The following FAM53B variants were observed in gnomAD, a reference collection of about 807,000 sequenced individuals.
FAM53B encodes the protein protein FAM53B.
In FAM53B, 12 loss-of-function variants were observed where a neutral mutation model predicts 32.7. The ratio of observed to expected loss-of-function variants is 0.37; its 90% confidence interval spans 0.24 to 0.59. The LOEUF is 0.59. Among genes scored for constraint, FAM53B ranks in the 20% least tolerant of loss-of-function variants. The pLI is 0.72. For missense variants in FAM53B, 477 were observed against 577.7 expected (o/e 0.83, Z 1.79); for synonymous variants, 234 against 228.7 (o/e 1.02, Z -0.21).
chr10:124,628,117 C>T (rs561742122), intron 4 of FAM53B, among the ~76,000 whole-genome samples: 15 of 152,276 alleles, frequency 9.9e-5, no homozygotes, highest in Admixed American at 2.6e-4. Flanking sequence ...GTAATAGAGA[C>T]GCTAGAAACA....
intron 1 of FAM53B, among the ~76,000 whole-genome samples, chr10:124,735,044 C>T (rs1443778133): frequency 6.6e-6 from 1 of 152,206 alleles, no homozygotes; most frequent in Non-Finnish European, 1.5e-5. Context: ...GCAGGCCGAG[C>T]TGGGGGCAGG....
At chr10:124,642,314 C>A (rs1452371796) in intron 4 of FAM53B, among the ~76,000 whole-genome samples, 2 of 152,182 alleles carry the variant, frequency 1.3e-5, no homozygotes, top group Non-Finnish European at 2.9e-5. Context: ...GAGCGCCATG[C>A]GTGTGAACAC....
intron 2 of FAM53B, among the ~76,000 whole-genome samples, chr10:124,706,188 G>A (rs562555796): frequency 6.6e-6 from 1 of 152,274 alleles, no homozygotes; most frequent in African/African-American, 2.4e-5. Flanking sequence ...TGTTGCCATA[G>A]CTCACCACAC....
chr10:124,649,660 C>G (rs377076633), intron 4 of FAM53B, among the ~76,000 whole-genome samples: 1 of 152,220 alleles, frequency 6.6e-6, no homozygotes, highest in African/African-American at 2.4e-5. Context: ...CAGAGTGTCC[C>G]CCTGTAAGAT....
chr10:124,719,297 T>A (rs1950054718), intron 1 of FAM53B, among the ~76,000 whole-genome samples: 1 of 152,108 alleles, frequency 6.6e-6, no homozygotes. Flanking sequence ...CACTTCCTTC[T>A]AAGCACTCTG....
chr10:124,729,262 G>C (rs1439528178), intron 1 of FAM53B, among the ~76,000 whole-genome samples: 1 of 152,226 alleles, frequency 6.6e-6, no homozygotes, highest in African/African-American at 2.4e-5. Context: ...GCTGAAGAAG[G>C]AAGACACAGG....
intron 4 of FAM53B, among the ~76,000 whole-genome samples, chr10:124,666,763 C>CCCCGGGCCT (rs1291159548): frequency 6.6e-6 from 1 of 152,228 alleles, no homozygotes; most frequent in African/African-American, 2.4e-5. Flanking sequence ...ACAGTGAACT[C>CCCCGGGCCT]CCCGGGCCTC....
intron 3 of FAM53B, among the ~76,000 whole-genome samples, chr10:124,689,389 G>A (rs1949820675): frequency 6.6e-6 from 1 of 152,228 alleles, no homozygotes; most frequent in African/African-American, 2.4e-5. Context: ...TGACCAGAAG[G>A]AGACTCAGTT....
intron 4 of FAM53B, chr10:124,671,301 G>A: frequency 2.4e-6 from 1 of 422,968 alleles, no homozygotes; most frequent in Admixed American, 2.4e-5. Context: ...CCAGCCCTGT[G>A]CGGCCAATGG....
chr10:124,644,718 C>T (rs375690482), intron 4 of FAM53B, among the ~76,000 whole-genome samples: 1 of 152,112 alleles, frequency 6.6e-6, no homozygotes, highest in South Asian at 2.1e-4. Context: ...GGGTAGGGAA[C>T]CCGAGAGTGC....
intron 3 of FAM53B, among the ~76,000 whole-genome samples, chr10:124,683,581 C>G (rs1231069818): frequency 3.3e-5 from 5 of 152,194 alleles, no homozygotes; most frequent in African/African-American, 4.8e-5. Flanking sequence ...ATGTACCATC[C>G]TGGACCAGAT....
At chr10:124,731,290 C>G (rs1417161625) in intron 1 of FAM53B, among the ~76,000 whole-genome samples, 1 of 152,238 alleles carries the variant, frequency 6.6e-6, no homozygotes, top group Admixed American at 6.5e-5. Flanking sequence ...CCTGTTTATT[C>G]CTCCTGCTCT....
intron 4 of FAM53B, among the ~76,000 whole-genome samples, chr10:124,666,168 A>G (rs1949670949): frequency 6.6e-6 from 1 of 152,212 alleles, no homozygotes; most frequent in African/African-American, 2.4e-5. Context: ...GATAAGCTAG[A>G]TGCCCTGACA....
intron 3 of FAM53B, among the ~76,000 whole-genome samples, chr10:124,692,904 T>C (rs971310043): frequency 9.9e-5 from 15 of 152,172 alleles, no homozygotes; most frequent in East Asian, 5.8e-4. Context: ...TTTGTGAAAC[T>C]TGAACTCATA....
intron 1 of FAM53B, among the ~76,000 whole-genome samples, chr10:124,737,128 C>G (rs770342671): frequency 6.6e-6 from 1 of 152,210 alleles, no homozygotes; most frequent in Non-Finnish European, 1.5e-5. Flanking sequence ...GTGCCCGGCT[C>G]CACACTGGAC....
rs571656150 is a variant in FAM53B, at chr10:124,646,508, C to T, written c.907-22904G>A. ...CAAGGCCCTCCCATTGCTGTGCCGGCGCCTTCTGTTTCCTCCCTGGTCTTT... is the reference window on the plus strand; with the variant it reads ...CAAGGCCCTCCCATTGCTGTGCCGGTGCCTTCTGTTTCCTCCCTGGTCTTT... On this transcript the variant is annotated intron_variant, in intron 4 of 4. Transcript: ENST00000337318. Among the ~76,000 whole-genome samples the T allele has an allele frequency of 3.9e-5, 6 of 152,320 alleles. No homozygotes were observed. In the East Asian group the frequency reaches 5.8e-4, roughly 15 times the overall value.
At chr10:124,657,216 AAAAG>A (rs1296888320) in intron 4 of FAM53B, among the ~76,000 whole-genome samples, 19 of 150,200 alleles carry the variant, frequency 1.3e-4, no homozygotes, top group African/African-American at 3.2e-4. Context: ...TATACAGATT[AAAAG>A]AAAGGAAAAA....
intron 4 of FAM53B, among the ~76,000 whole-genome samples, chr10:124,677,098 T>C (rs1424956215): frequency 1.3e-5 from 2 of 152,198 alleles, no homozygotes. Context: ...CTATGACACC[T>C]AGGGGGACTG....
At position 124,682,228 on chromosome 10, in the gene FAM53B, G is replaced by C; in HGVS notation, c.285C>G (p.Asp95Glu). The C allele has an allele frequency of 6.2e-7, 1 of 1,614,066 alleles. No individual in the cohort carries two copies. Among genetic ancestry groups the C allele is most frequent in the African/African-American group, 1.3e-5 (1 of 75,058 alleles). Reference sequence around the variant, plus strand: ...TCCCGTTGTGGTCGCTGATGCTGAGGTCTTTGATCAGACTGGTCACAGCGC... The same window carrying C: ...TCCCGTTGTGGTCGCTGATGCTGAGCTCTTTGATCAGACTGGTCACAGCGC... ...TACAVTSLIK[D>E]LSISDHNGNP... Residue 95 changes from aspartate (D) to glutamate (E), a missense_variant, in exon 4 of 5, where the codon GAC becomes GAG. Physicochemically the swap from Asp to Glu is conservative, Grantham distance 45. Transcript: ENST00000337318. This position sits in a 1 kb window ranked among gnomAD's most constrained non-coding sequence, Gnocchi z 5.2.
Sources: gnomAD v4.1 joint callset for allele counts (sites outside exome capture counted in the v4.1 genomes callset) on GRCh38, gnomAD v4.1.1 for gene constraint, Gnocchi (gnomAD v3.1) non-coding constraint, MANE v1.5 for transcripts, NCBI Gene and HGNC (gene_info 2026-07-23, HGNC 2026-07-21) for gene names.